Variants in TTC28 observed in about 807,000 individuals in gnomAD.
TTC28 encodes tetratricopeptide repeat domain 28, also known as tetratricopeptide repeat protein 28.
A neutral mutation model predicts 198.0 loss-of-function variants in TTC28; 61 were observed. The ratio of observed to expected loss-of-function variants is 0.31; its 90% CI spans 0.25 to 0.38. TTC28 has a LOEUF of 0.38. TTC28 is among the 10% of genes least tolerant of loss of function. The probability of loss-of-function intolerance (pLI) is 1.00; values close to 1 mark genes in which losing one functional copy is unlikely to be tolerated. For synonymous variants in TTC28, 1,171 were observed against 1,297.8 expected (o/e 0.90, Z 2.10); for missense variants, 2,678 against 3,164.0 (o/e 0.85, Z 3.69).
chr22:28,104,982 G>T (rs1013538688), intron 8 of TTC28, among the ~76,000 whole-genome samples: 10 of 152,250 alleles, frequency 6.6e-5, no homozygotes, highest in African/African-American at 2.2e-4. Flanking sequence ...AGCAAGGAGG[G>T]TATCAGCTCC....
At chr22:28,243,489 T>G (rs1184615247) in intron 5 of TTC28, among the ~76,000 whole-genome samples, 1 of 151,926 alleles carries the variant, frequency 6.6e-6, no homozygotes, top group East Asian at 1.9e-4. Context: ...TGTGATGGAT[T>G]AGAAATTTAA....
chr22:27,990,887 T>G, intron 19 of TTC28, 75 bp from the exon 20 acceptor site: 1 of 1,440,554 alleles, frequency 6.9e-7, no homozygotes, highest in Non-Finnish European at 9.4e-7. Flanking sequence ...CAGGCTGTTA[T>G]GCAACATGAG....
rs1316425047 is a variant in TTC28, at chr22:27,983,135, C to G, written c.6532G>C (p.Glu2178Gln). ...EETQSHLIAV[E>Q]RLQRSGGQVS... ...TGGCCGCCGCTCCTCTGAAGACGCTCCACCGCAATGAGATGACTCTGTGTC... is the reference window on the plus strand; with the variant it reads ...TGGCCGCCGCTCCTCTGAAGACGCTGCACCGCAATGAGATGACTCTGTGTC... The change falls in exon 23 of 23, where the codon GAG becomes CAG. Residue 2178 changes from glutamate (E) to glutamine (Q), a missense_variant. This residue lies in a region of TTC28 where 622 missense variants were observed against 656.0 expected (regional missense o/e 0.95). Coordinates refer to ENST00000397906, the MANE Select transcript of TTC28 (RefSeq NM_001145418.2). 5 of 1,551,682 alleles carry G rather than the reference C, an allele frequency of 3.2e-6. No homozygotes were observed. Among genetic ancestry groups the G allele is most frequent in the Non-Finnish European group, 4.4e-6 (5 of 1,147,046 alleles).
At chr22:28,202,539 A>G (rs76016333) in intron 5 of TTC28, among the ~76,000 whole-genome samples, 1 of 147,668 alleles carries the variant, frequency 6.8e-6, no homozygotes, top group Non-Finnish European at 1.5e-5. Context: ...CTCTGTCTCA[A>G]AAAAAAAAAA....
At chr22:28,584,413 A>T (rs1218396314) in intron 2 of TTC28, among the ~76,000 whole-genome samples, 1 of 152,128 alleles carries the variant, frequency 6.6e-6, no homozygotes, top group Non-Finnish European at 1.5e-5. Flanking sequence ...TGTCCAACCT[A>T]GCTAAATCTG....
At chr22:28,236,511 T>C (rs559982887) in intron 5 of TTC28, among the ~76,000 whole-genome samples, 1 of 152,130 alleles carries the variant, frequency 6.6e-6, no homozygotes, top group African/African-American at 2.4e-5. Context: ...AATAGGACAC[T>C]GGTAATAGGT....
chr22:28,432,267 C>A (rs1347890199), intron 2 of TTC28, among the ~76,000 whole-genome samples: 1 of 151,360 alleles, frequency 6.6e-6, no homozygotes, highest in East Asian at 1.9e-4. Context: ...GCCTGGGTGA[C>A]AGAGCGAGAC....
chr22:28,392,728 C>T (rs1040683885), intron 2 of TTC28, among the ~76,000 whole-genome samples: 1 of 152,182 alleles, frequency 6.6e-6, no homozygotes, highest in Non-Finnish European at 1.5e-5. Flanking sequence ...ACCCACTGAC[C>T]TGCGCCCACT....
At chr22:28,635,298 G>T (rs908095710) in intron 1 of TTC28, among the ~76,000 whole-genome samples, 2 of 152,058 alleles carry the variant, frequency 1.3e-5, no homozygotes, top group Non-Finnish European at 2.9e-5. Context: ...TCCAGCCTGG[G>T]CAACAGAGCA....
At chr22:28,441,887 TA>T (rs979638590) in intron 2 of TTC28, among the ~76,000 whole-genome samples, 12,535 of 119,106 alleles carry the variant, frequency 0.11, 651 homozygotes, top group South Asian at 0.16. Flanking sequence ...ATTTGAAGTT[TA>T]AAAAAAAAAA....
At chr22:28,437,385 T>A (rs1476485435) in intron 2 of TTC28, among the ~76,000 whole-genome samples, 1 of 152,162 alleles carries the variant, frequency 6.6e-6, no homozygotes, top group Admixed American at 6.5e-5. Flanking sequence ...ACCCAGCTCT[T>A]ATTCTTTTAG....
intron 2 of TTC28, among the ~76,000 whole-genome samples, chr22:28,553,999 A>G (rs905571170): frequency 9.9e-5 from 15 of 152,078 alleles, no homozygotes; most frequent in African/African-American, 3.4e-4. Flanking sequence ...AGAAGTAGAC[A>G]TGGGAGACTT....
intron 2 of TTC28, among the ~76,000 whole-genome samples, chr22:28,433,164 G>C (rs1460040872): frequency 6.6e-6 from 1 of 151,904 alleles, no homozygotes; most frequent in Non-Finnish European, 1.5e-5. Context: ...TCAGCACAAA[G>C]GAATTTTAGA....
intron 5 of TTC28, among the ~76,000 whole-genome samples, chr22:28,203,992 C>T (rs1415065828): frequency 2.6e-5 from 4 of 152,136 alleles, no homozygotes; most frequent in Non-Finnish European, 5.9e-5. Flanking sequence ...ACCTTGATCC[C>T]ACTCCTTATA....
At chr22:28,022,437 T>C (rs1041447636) in intron 13 of TTC28, among the ~76,000 whole-genome samples, 1 of 152,230 alleles carries the variant, frequency 6.6e-6, no homozygotes, top group Admixed American at 6.5e-5. Flanking sequence ...TCACCTGCCA[T>C]GCCCTCTGTG....
chr22:28,120,804 T>A (rs1430125753), intron 6 of TTC28, among the ~76,000 whole-genome samples: 1 of 152,190 alleles, frequency 6.6e-6, no homozygotes, highest in African/African-American at 2.4e-5. Context: ...GAGAGCAAAT[T>A]ATGAAATCTG....
chr22:28,657,177 G>A (rs1006162579), intron 1 of TTC28, among the ~76,000 whole-genome samples: 2 of 152,198 alleles, frequency 1.3e-5, no homozygotes, highest in East Asian at 3.8e-4. Flanking sequence ...AAGTCACACA[G>A]TTGTGGAGGG....
intron 14 of TTC28, among the ~76,000 whole-genome samples, chr22:28,010,847 G>T (rs1221140091): frequency 6.6e-6 from 1 of 152,214 alleles, no homozygotes; most frequent in Non-Finnish European, 1.5e-5. Context: ...TGCTTTCTGT[G>T]CCAAACTAGA....
intron 5 of TTC28, among the ~76,000 whole-genome samples, chr22:28,282,475 T>A (rs193226565): frequency 1.1e-4 from 16 of 152,334 alleles, no homozygotes; most frequent in Admixed American, 9.8e-4. Flanking sequence ...ACTAGCCACA[T>A]TAGGCTATTT....
Sources: gnomAD v4.1 joint callset for allele counts (sites outside exome capture counted in the v4.1 genomes callset) on GRCh38, gnomAD v4.1.1 for gene constraint, gnomAD v4.1.1 regional missense constraint, MANE v1.5 for transcripts, NCBI Gene and HGNC (gene_info 2026-07-23, HGNC 2026-07-21) for gene names.